Variants in ALPP observed in about 807,000 individuals in gnomAD.
ALPP encodes alkaline phosphatase, placental type.
In ALPP, 39 loss-of-function variants were observed where a neutral mutation model predicts 50.7. The observed-to-expected ratio is 0.77, with a 90% CI of 0.60 to 1.00. ALPP has a LOEUF of 1.00. Among genes scored for constraint, ALPP ranks in the 50% least tolerant of loss-of-function variants. The pLI is 0.00. For synonymous variants in ALPP, 226 were observed against 320.3 expected (o/e 0.71, Z 3.14); for missense variants, 550 against 746.8 (o/e 0.74, Z 3.07).
chr2:232,378,778 G>C lies in ALPP; in HGVS notation c.-25G>C. ...ACTCCATGCCCAGAATTCCTGCCTCGCCACTGTCCTGCTGCCCTCCAGACA... is the reference window on the plus strand; with the variant it reads ...ACTCCATGCCCAGAATTCCTGCCTCCCCACTGTCCTGCTGCCCTCCAGACA... On this transcript the variant is annotated 5_prime_UTR_variant, in exon 1 of 11. Transcript: ENST00000392027. 1 of 1,609,960 alleles carries C rather than the reference G, an allele frequency of 6.2e-7. No individual in the cohort carries two copies. The highest frequency in any genetic ancestry group is 8.5e-7 in the Non-Finnish European group (1 of 1,177,706).
At position 232,379,807 on chromosome 2, in the gene ALPP, C is replaced by A. The variant is rs150558405; in HGVS notation, c.528C>A (p.Ala176=). Residue 176 remains alanine, a synonymous_variant, in exon 5 of 11, where the codon GCC becomes GCA. Coordinates refer to ENST00000392027, the MANE Select transcript of ALPP (RefSeq NM_001632.5). The part of the protein sequence containing the change: ...GVVTTTRVQH[A]SPAGTYAHTV... Reference sequence around the variant, plus strand: ...TAACCACCACACGAGTGCAGCACGCCTCGCCAGCCGGCACCTACGCCCACA... The same window carrying A: ...TAACCACCACACGAGTGCAGCACGCATCGCCAGCCGGCACCTACGCCCACA... 8.9e-3 allele frequency: 14,403 copies of A among 1,613,848 alleles called. 106 individuals are homozygous for A. The highest frequency in any genetic ancestry group is 0.011 in the Non-Finnish European group (12,609 of 1,180,038).
rs766569752 is a variant in ALPP at position 232,379,559 on chromosome 2, C to T, written c.356C>T (p.Thr119Met). The T allele has an allele frequency of 1.5e-5, 25 of 1,613,988 alleles. No homozygotes were observed. Among genetic ancestry groups the T allele is most frequent in the Admixed American group, 1.2e-4 (7 of 60,012 alleles). The change falls in exon 4 of 11, where the codon ACG becomes ATG. Residue 119 changes from threonine to methionine, a missense_variant. By Grantham distance (81) the Thr-to-Met change is moderately conservative. Coordinates refer to ENST00000392027, the MANE Select transcript of ALPP (RefSeq NM_001632.5). ...GTGCCAGACAGTGGAGCCACAGCCA[C>T]GGCCTACCTGTGCGGGGTCAAGGGC... The part of the protein sequence containing the change: ...KHVPDSGATA[T>M]AYLCGVKGNF...
rs1436341578 is a variant in ALPP, at chr2:232,378,990, C to T, written c.96C>T (p.Asp32=). Residue 32 remains aspartate, a synonymous_variant, in exon 2 of 11, where the codon GAC becomes GAT. Coordinates refer to ENST00000392027, the MANE Select transcript of ALPP (RefSeq NM_001632.5). ...GIIPVEEENP[D]FWNREAAEAL... is the part of the protein sequence containing the mutation. Reference sequence around the variant, plus strand: ...GGCCAGTTGAGGAGGAGAACCCGGACTTCTGGAACCGCGAGGCAGCCGAGG... The same window carrying T: ...GGCCAGTTGAGGAGGAGAACCCGGATTTCTGGAACCGCGAGGCAGCCGAGG... The T allele has an allele frequency of 1.2e-6, 2 of 1,614,038 alleles. No homozygotes were observed. Among genetic ancestry groups the T allele is most frequent in the East Asian group, 4.5e-5 (2 of 44,898 alleles).
At position 232,378,794 on chromosome 2, in the gene ALPP, C is replaced by A. The variant is rs372203842; in HGVS notation, c.-9C>A. On this transcript the variant is annotated 5_prime_UTR_variant, in exon 1 of 11. Coordinates refer to ENST00000392027, the MANE Select transcript of ALPP (RefSeq NM_001632.5). ...TCCTGCCTCGCCACTGTCCTGCTGC[C>A]CTCCAGACATGCTGGGGCCCTGCAT... 36 of 1,613,524 alleles carry A rather than the reference C, an allele frequency of 2.2e-5. No homozygotes were observed. Among genetic ancestry groups the A allele is most frequent in the Non-Finnish European group, 3.0e-5 (35 of 1,179,778 alleles).
rs2106379769 is a variant in ALPP at position 232,381,879 on chromosome 2, C to G, written c.*84C>G. 1 of 1,487,872 alleles carries G rather than the reference C, an allele frequency of 6.7e-7. No homozygotes were observed. The highest frequency in any genetic ancestry group is 8.9e-7 in the Non-Finnish European group (1 of 1,124,200). 92.2% of individuals were successfully genotyped at this position (1,487,872 alleles called of 1,614,324 possible). A position where few individuals can be genotyped will look rare whatever the true frequency, so the allele number is the denominator to read the frequency against. On this transcript the variant is annotated 3_prime_UTR_variant, in exon 11 of 11. Coordinates refer to ENST00000392027, the MANE Select transcript of ALPP (RefSeq NM_001632.5). ...CTGTCGTCCTGCCTGGCCTCCAGCCCGAGTCGTCATCCCCGGAGTCCCTAT... is the reference window on the plus strand; with the variant it reads ...CTGTCGTCCTGCCTGGCCTCCAGCCGGAGTCGTCATCCCCGGAGTCCCTAT...
Position 232,381,780 on chromosome 2 carries a change from G to C in ALPP, c.1593G>C (p.Thr531=), listed in dbSNP as rs768256257. ...CCGGGACCCTGCTGCTGCTGGAGAC[G>C]GCCACTGCTCCCTGAGTGTCCCGTC... The part of the protein sequence containing the change: ...LLAGTLLLLE[T]ATAP Residue 531 remains threonine (T), a synonymous_variant, in exon 11 of 11, where the codon ACG becomes ACC. Transcript: ENST00000392027. The C allele has an allele frequency of 1.3e-6, 2 of 1,582,494 alleles. No individual in the cohort carries two copies. The highest frequency in any genetic ancestry group is 4.5e-5 in the East Asian group (2 of 44,040).
intron 3 of ALPP, 78 bp downstream of exon 3, chr2:232,379,393 C>T: frequency 3.1e-6 from 5 of 1,590,392 alleles, no homozygotes; most frequent in Middle Eastern, 1.7e-4. Context: ...GAGGGAGGGA[C>T]CCTAAACAGC....
At chr2:232,379,414 G>A (rs1322353830) in intron 3 of ALPP, 99 bp downstream of exon 3, 22 of 1,589,478 alleles carry the variant, frequency 1.4e-5, no homozygotes, top group African/African-American at 6.7e-5. Context: ...TGGGGCTCCA[G>A]TAAGGAGTTA....
In ALPP at chr2:232,381,759, G is replaced by A; in HGVS notation, c.1572G>A (p.Gly524=). 6.3e-7 allele frequency: 1 copy of A among 1,591,858 alleles called. No homozygotes were observed. ...VVPALLPLLA[G]TLLLLETATA... is the part of the protein sequence containing the mutation. Reference sequence around the variant, plus strand: ...CCGCGTTGCTTCCTCTGCTGGCCGGGACCCTGCTGCTGCTGGAGACGGCCA... The same window carrying A: ...CCGCGTTGCTTCCTCTGCTGGCCGGAACCCTGCTGCTGCTGGAGACGGCCA... Residue 524 remains glycine (G), a synonymous_variant, in exon 11 of 11, where the codon GGG becomes GGA. Coordinates refer to ENST00000392027, the MANE Select transcript of ALPP (RefSeq NM_001632.5).
Position 232,379,230 on chromosome 2 carries a change from G to T in ALPP, c.224G>T (p.Arg75Met). 6.2e-7 allele frequency: 1 copy of T among 1,614,076 alleles called. No individual in the cohort carries two copies. The stretch of plus-strand genomic sequence containing the variant: ...GGGGTGTCTACGGTGACAGCTGCCA[G>T]GATCCTAAAAGGGCAGAAGAAGGAC... ...GMGVSTVTAA[R>M]ILKGQKKDKL... Residue 75 changes from arginine to methionine, a missense_variant, in exon 3 of 11, where the codon AGG becomes ATG. Physicochemically the swap from Arg to Met is moderately conservative, Grantham distance 91. Transcript: ENST00000392027.
intron 1 of ALPP, 23 bp from the exon 2 acceptor site, chr2:232,378,948 A>G: frequency 6.2e-7 from 1 of 1,613,966 alleles, no homozygotes; most frequent in Non-Finnish European, 8.5e-7. Flanking sequence ...GGCTGACCTG[A>G]TTTTTGCTCT....
At chr2:232,379,179 C>T (rs1409907475) in intron 2 of ALPP, 21 bp from the exon 3 acceptor site, 1 of 1,614,150 alleles carries the variant, frequency 6.2e-7, no homozygotes, top group Non-Finnish European at 8.5e-7. Context: ...GCCCAAGCCT[C>T]ACACATTTCT....
In ALPP at chr2:232,381,527, T is replaced by C; in HGVS notation, c.1340T>C (p.Val447Ala). Residue 447 changes from valine (V) to alanine (A), a missense_variant, in exon 11 of 11, where the codon GTG (valine) becomes GCG (alanine). Coordinates refer to ENST00000392027, the MANE Select transcript of ALPP (RefSeq NM_001632.5). The part of the protein sequence containing the change: ...GSPEYRQQSA[V>A]PLDEETHAGE... ...CCCGAGTATCGGCAGCAGTCAGCAGTGCCCCTGGACGAAGAGACCCACGCA... is the reference window on the plus strand; with the variant it reads ...CCCGAGTATCGGCAGCAGTCAGCAGCGCCCCTGGACGAAGAGACCCACGCA... 2 of 1,613,138 alleles carry C rather than the reference T, an allele frequency of 1.2e-6. No homozygotes were observed. The highest frequency in any genetic ancestry group is 1.7e-6 in the Non-Finnish European group (2 of 1,179,828).
chr2:232,379,523 T>C lies in ALPP; in HGVS notation c.320T>C (p.Val107Ala), dbSNP rs1470267333. Residue 107 changes from valine to alanine, a missense_variant, in exon 4 of 11, where the codon GTA (valine) becomes GCA (alanine). This residue lies in a region of ALPP where 376 missense variants were observed against 388.5 expected (regional missense o/e 0.97). Transcript: ENST00000392027. ...PYVALSKTYNVDKHVPDSGAT... is the reference protein window; with the variant it reads ...PYVALSKTYNADKHVPDSGAT... ...TGTCTCTGTCCCCAGACATACAATG[T>C]AGACAAACATGTGCCAGACAGTGGA... 6.2e-7 allele frequency: 1 copy of C among 1,613,890 alleles called. No individual in the cohort carries two copies. Among genetic ancestry groups the C allele is most frequent in the East Asian group, 2.2e-5 (1 of 44,892 alleles).
At position 232,379,673 on chromosome 2, in the gene ALPP, G is replaced by C. The variant is rs567394670; in HGVS notation, c.470G>C (p.Arg157Pro). ...AACGAGGTCATCTCCGTGATGAATC[G>C]GGCCAAGAAAGCAGGTGAGCTGGGG... is the stretch of plus-strand genomic sequence containing the variant. ...RGNEVISVMN[R>P]AKKAGKSVGV... is the part of the protein sequence containing the mutation. Residue 157 changes from arginine to proline, a missense_variant, in exon 4 of 11, where the codon CGG (arginine) becomes CCG (proline). Around this residue, in one of 5 missense-constraint regions of ALPP, gnomAD observed 376 missense variants for 388.5 expected, o/e 0.97. Transcript: ENST00000392027. The C allele has an allele frequency of 6.2e-7, 1 of 1,613,864 alleles. No homozygotes were observed. The highest frequency in any genetic ancestry group is 8.5e-7 in the Non-Finnish European group (1 of 1,179,954).
chr2:232,379,084 G>C lies in ALPP; in HGVS notation c.190G>C (p.Asp64His), dbSNP rs777305206. Residue 64 changes from aspartate (D) to histidine (H), a missense_variant, in exon 2 of 11, where the codon GAT becomes CAT. Coordinates refer to ENST00000392027, the MANE Select transcript of ALPP (RefSeq NM_001632.5). The stretch of plus-strand genomic sequence containing the variant: ...CAAGAACCTCATCATCTTCCTGGGC[G>C]ATGGTGAGTGAGCCAGGCCTTCCAG... ...AAKNLIIFLG[D>H]GMGVSTVTAA... is the part of the protein sequence containing the mutation. 3.1e-6 allele frequency: 5 copies of C among 1,613,956 alleles called. No individual in the cohort carries two copies. Among genetic ancestry groups the C allele is most frequent in the Non-Finnish European group, 3.4e-6 (4 of 1,180,036 alleles).
rs1246379682 is a variant in ALPP at position 232,381,606 on chromosome 2, C to CGT, written c.1421_1422dup (p.Gln475CysfsTer7). The CGT allele has an allele frequency of 6.2e-7, 1 of 1,612,522 alleles. No homozygotes were observed. Among genetic ancestry groups the CGT allele is most frequent in the Non-Finnish European group, 8.5e-7 (1 of 1,179,668 alleles). The stretch of plus-strand genomic sequence containing the variant: ...GCCCGCAGGCGCACCTGGTTCACGG[C>CGT]GTGCAGGAGCAGACCTTCATAGCGC... On this transcript the variant is annotated frameshift_variant, in exon 11 of 11. Coordinates refer to ENST00000392027, the MANE Select transcript of ALPP (RefSeq NM_001632.5). LOFTEE classifies it low-confidence loss of function (END_TRUNC).
Position 232,381,780 on chromosome 2 carries a change from G to T in ALPP, c.1593G>T (p.Thr531=). Residue 531 remains threonine, a synonymous_variant, in exon 11 of 11, where the codon ACG becomes ACT. Coordinates refer to ENST00000392027, the MANE Select transcript of ALPP (RefSeq NM_001632.5). ...LLAGTLLLLE[T]ATAP Reference sequence around the variant, plus strand: ...CCGGGACCCTGCTGCTGCTGGAGACGGCCACTGCTCCCTGAGTGTCCCGTC... The same window carrying T: ...CCGGGACCCTGCTGCTGCTGGAGACTGCCACTGCTCCCTGAGTGTCCCGTC... The T allele has an allele frequency of 6.3e-7, 1 of 1,582,492 alleles. No individual in the cohort carries two copies. The highest frequency in any genetic ancestry group is 8.6e-7 in the Non-Finnish European group (1 of 1,169,012).
At chr2:232,379,456 A>AGGGTCT in intron 3 of ALPP, 57 bp from the exon 4 acceptor site, 1 of 1,607,060 alleles carries the variant, frequency 6.2e-7, no homozygotes, top group South Asian at 1.1e-5. Context: ...GACAGAGATC[A>AGGGTCT]GGGTCTGGGT....
Sources: allele counts gnomAD v4.1 joint callset, GRCh38; gene constraint gnomAD v4.1.1; regional missense constraint gnomAD v4.1.1; transcripts MANE v1.5; gene names NCBI Gene and HGNC (gene_info 2026-07-23, HGNC 2026-07-21).